The following NCOR1 variants were observed in gnomAD, a reference collection of about 807,000 sequenced individuals.
NCOR1 encodes nuclear receptor corepressor 1.
In NCOR1, 63 loss-of-function variants were observed where a neutral mutation model predicts 288.1. That is an observed-to-expected ratio of 0.22 (90% CI 0.18 to 0.27). NCOR1 has a LOEUF of 0.27. Among genes scored for constraint, NCOR1 ranks in the 10% least tolerant of loss-of-function variants. The pLI, the probability that NCOR1 is intolerant of heterozygous loss-of-function variation, is 1.00. For synonymous variants in NCOR1, 1,007 were observed against 1,065.9 expected (o/e 0.94, Z 1.08); for missense variants, 2,397 against 3,019.2 (o/e 0.79, Z 4.83).
At chr17:16,199,957 T>G (rs2090535469) in intron 1 of NCOR1, among the ~76,000 whole-genome samples, 1 of 152,156 alleles carries the variant, frequency 6.6e-6, no homozygotes, top group Non-Finnish European at 1.5e-5. Context: ...TAATACAATA[T>G]TGCAAAATGA....
intron 6 of NCOR1, among the ~76,000 whole-genome samples, chr17:16,154,874 T>G (rs1473531727): frequency 6.6e-6 from 1 of 151,982 alleles, no homozygotes; most frequent in African/African-American, 2.4e-5. Flanking sequence ...CAGACCAATA[T>G]TTAGGAGGTG....
In NCOR1 at chr17:16,029,224, G is replaced by A. The variant is rs781089707; in HGVS notation, c.*3072C>T. The A allele has an allele frequency of 2.4e-5, 11 of 453,584 alleles. No homozygotes were observed. The highest frequency in any genetic ancestry group is 1.8e-4 in the African/African-American group (9 of 49,890). The allele number at this position is 453,584 out of a possible 1,614,324, so 28.1% of individuals were successfully genotyped here. ...CCACAGTGACTCAGCTCATGGTCTC[G>A]TTGTTGGAAACACTAGGAGTTTTCA... On this transcript the variant is annotated 3_prime_UTR_variant, in exon 46 of 46. Transcript: ENST00000268712.
intron 41 of NCOR1, among the ~76,000 whole-genome samples, chr17:16,048,194 G>A (rs879538111): frequency 2.0e-5 from 3 of 152,216 alleles, no homozygotes; most frequent in African/African-American, 4.8e-5. Flanking sequence ...CAAACTGCAC[G>A]ACTATGGACA....
At chr17:16,109,676 G>A (rs184330984) in intron 18 of NCOR1, among the ~76,000 whole-genome samples, 14 of 152,176 alleles carry the variant, frequency 9.2e-5, no homozygotes, top group Admixed American at 3.9e-4. Flanking sequence ...TAAGAATCAC[G>A]CAATTTTATA....
intron 19 of NCOR1, among the ~76,000 whole-genome samples, 196 bp downstream of exon 19, chr17:16,108,590 C>G (rs985733198): frequency 4.6e-5 from 7 of 152,164 alleles, no homozygotes; most frequent in Non-Finnish European, 7.4e-5. Context: ...CCAAGATCTT[C>G]TGGACCATCC....
chr17:16,102,697 G>A (rs1007628771), intron 19 of NCOR1, among the ~76,000 whole-genome samples: 5 of 151,966 alleles, frequency 3.3e-5, no homozygotes, highest in African/African-American at 4.8e-5. Flanking sequence ...AGGTTCCAGC[G>A]ATTCTTGTGC....
intron 45 of NCOR1, among the ~76,000 whole-genome samples, chr17:16,034,322 T>C (rs1031493228): frequency 2.0e-5 from 3 of 152,126 alleles, no homozygotes; most frequent in Non-Finnish European, 4.4e-5. Flanking sequence ...GGTGTGTGCA[T>C]TGGTTGACTC....
At chr17:16,175,371 T>C (rs1395279749) in intron 3 of NCOR1, among the ~76,000 whole-genome samples, 1 of 151,716 alleles carries the variant, frequency 6.6e-6, no homozygotes, top group Non-Finnish European at 1.5e-5. Context: ...CTCATTTGTC[T>C]TTTAAAAAAA....
intron 42 of NCOR1, 70 bp from the exon 43 acceptor site, chr17:16,040,564 A>C (rs908511919): frequency 6.0e-5 from 74 of 1,242,158 alleles, no homozygotes; most frequent in Non-Finnish European, 9.2e-6. Context: ...AGTCTCAAAA[A>C]ATTCCTATAA....
Position 16,101,392 on chromosome 17 carries a change from T to C in NCOR1, c.2548A>G (p.Ser850Gly), listed in dbSNP as rs754444492. 2 of 1,614,254 alleles carry C rather than the reference T, an allele frequency of 1.2e-6. No homozygotes were observed. The highest frequency in any genetic ancestry group is 2.2e-5 in the South Asian group (2 of 91,088). ...TCATCTCTAGGTTCCACCTTCTCAC[T>C]GGCTCTATCCAAGTCTCTTTCTTTG... ...NTKERDLDRA[S>G]EKVEPRDEDL... Residue 850 changes from serine to glycine, a missense_variant, in exon 20 of 46, where the codon AGT (serine) becomes GGT (glycine). Around this residue, in one of 11 missense-constraint regions of NCOR1, gnomAD observed 1,872 missense variants for 2,187.8 expected, o/e 0.86. Transcript: ENST00000268712.
At chr17:16,204,655 G>A (rs2091268796) in intron 1 of NCOR1, among the ~76,000 whole-genome samples, 1 of 152,158 alleles carries the variant, frequency 6.6e-6, no homozygotes, top group South Asian at 2.1e-4. Flanking sequence ...ACATTTTGGA[G>A]TAAGGAAAGT....
intron 42 of NCOR1, among the ~76,000 whole-genome samples, chr17:16,046,385 T>C (rs1044730310): frequency 1.3e-5 from 2 of 152,260 alleles, no homozygotes; most frequent in African/African-American, 4.8e-5. Context: ...CTAATAGTCT[T>C]AGGCTACTTT....
chr17:16,064,775 T>C, intron 34 of NCOR1, 95 bp downstream of exon 34: 2 of 1,240,228 alleles, frequency 1.6e-6, no homozygotes, highest in Non-Finnish European at 1.1e-6. Flanking sequence ...AGAAACCAAA[T>C]GAGGAAAAAT....
chr17:16,052,292 G>A (rs2059414475), intron 40 of NCOR1, among the ~76,000 whole-genome samples: 2 of 151,932 alleles, frequency 1.3e-5, no homozygotes, highest in Admixed American at 1.3e-4. Context: ...CCAAAGTGCT[G>A]GGATTAGAGG....
chr17:16,101,377 G>A lies in NCOR1; in HGVS notation c.2563C>T (p.Pro855Ser), dbSNP rs1394706804. The change falls in exon 20 of 46, where the codon CCT (proline) becomes TCT (serine). Residue 855 changes from proline to serine, a missense_variant. Physicochemically the swap from Pro to Ser is moderately conservative, Grantham distance 74. Transcript: ENST00000268712. ...DLDRASEKVE[P>S]RDEDLVVAQQ... ...GCTACCACCAAATCTTCATCTCTAG[G>A]TTCCACCTTCTCACTGGCTCTATCC... The A allele has an allele frequency of 1.2e-6, 2 of 1,614,170 alleles. No homozygotes were observed. Among genetic ancestry groups the A allele is most frequent in the Non-Finnish European group, 1.7e-6 (2 of 1,180,038 alleles).
chr17:16,176,729 C>G (rs1172153162), intron 3 of NCOR1, among the ~76,000 whole-genome samples: 3 of 152,052 alleles, frequency 2.0e-5, no homozygotes, highest in Admixed American at 2.0e-4. Flanking sequence ...TCACTCAATT[C>G]TGCTATGTAG....
rs754923099 is a variant in NCOR1 at position 16,057,976 on chromosome 17, A to G, written c.6099T>C (p.Ser2033=). 4 of 1,614,154 alleles carry G rather than the reference A, an allele frequency of 2.5e-6. No individual in the cohort carries two copies. The South Asian group carries it at 3.3e-5, about 13-fold the overall frequency. Residue 2033 remains serine (S), a synonymous_variant, in exon 39 of 46, where the codon TCT becomes TCC. Coordinates refer to ENST00000268712, the MANE Select transcript of NCOR1 (RefSeq NM_006311.4). ...CTTGCCCCATTCCCTCTGCCTGTGA[A>G]GAAGGGGGCAGCTGTTGTTGGGGAG... ...SPSPQQQLPP[S]SQAEGMGQVP...
chr17:16,071,321 A>T, intron 30 of NCOR1, 88 bp downstream of exon 30: 1 of 1,517,960 alleles, frequency 6.6e-7, no homozygotes, highest in Non-Finnish European at 8.8e-7. Flanking sequence ...GTCTGACATC[A>T]TAAGAACCAC....
Position 16,031,602 on chromosome 17 carries a change from GA to G in NCOR1, c.*693del, listed in dbSNP as rs984623762. The G allele has an allele frequency of 3.0e-3, 598 of 202,048 alleles. 1 individual carries two copies. The highest frequency in any genetic ancestry group is 0.012 in the East Asian group (149 of 12,800). 12.5% of individuals were successfully genotyped at this position (202,048 alleles called of 1,614,324 possible). On this transcript the variant is annotated 3_prime_UTR_variant, in exon 46 of 46. Coordinates refer to ENST00000268712, the MANE Select transcript of NCOR1 (RefSeq NM_006311.4). The stretch of plus-strand genomic sequence containing the variant: ...GTAATATTTTTTCAGTGCTACTAAT[GA>G]AAAAAAAAAATTAAAGCCTGCACTG...
Sources: allele counts gnomAD v4.1 joint callset (sites outside exome capture counted in the v4.1 genomes callset), GRCh38; gene constraint gnomAD v4.1.1; regional missense constraint gnomAD v4.1.1; transcripts MANE v1.5; gene names NCBI Gene and HGNC (gene_info 2026-07-23, HGNC 2026-07-21).